The following CUL1 variants were observed in gnomAD, a reference collection of about 807,000 sequenced individuals.
The protein encoded by CUL1 is cullin-1.
In CUL1, 24 loss-of-function variants were observed where a neutral mutation model predicts 118.0. That is an observed-to-expected ratio of 0.20 (90% CI 0.15 to 0.29). The LOEUF (loss-of-function observed/expected upper bound fraction) is 0.29. Ranked by LOEUF, CUL1 falls within the 10% of genes least tolerant of loss-of-function variation. CUL1 has a pLI of 1.00. For synonymous variants in CUL1, 332 were observed against 340.4 expected (o/e 0.98, Z 0.27); for missense variants, 361 against 933.8 (o/e 0.39, Z 7.99).
chr7:148,705,138 G>A (rs923588503), intron 1 of CUL1, among the ~76,000 whole-genome samples: 7 of 152,180 alleles, frequency 4.6e-5, no homozygotes, highest in African/African-American at 1.7e-4. Flanking sequence ...CTCATTTAAT[G>A]CCCTCCATGA....
intron 1 of CUL1, among the ~76,000 whole-genome samples, chr7:148,704,754 T>C (rs1461085336): frequency 6.6e-6 from 1 of 152,218 alleles, no homozygotes; most frequent in Non-Finnish European, 1.5e-5. Context: ...AAAACCAGAA[T>C]GTTAGCATTG....
intron 9 of CUL1, among the ~76,000 whole-genome samples, chr7:148,773,231 TTAGC>T (rs1353684414): frequency 1.3e-5 from 2 of 152,142 alleles, no homozygotes; most frequent in Non-Finnish European, 2.9e-5. Context: ...AATCCTCTAA[TTAGC>T]CCACATTTTC....
At chr7:148,718,598 T>C (rs1427851557) in intron 1 of CUL1, among the ~76,000 whole-genome samples, 1 of 152,250 alleles carries the variant, frequency 6.6e-6, no homozygotes, top group Admixed American at 6.5e-5. Flanking sequence ...GGCATTATTG[T>C]GTGAGTGCCT....
chr7:148,708,023 G>C (rs1797941873), intron 1 of CUL1, among the ~76,000 whole-genome samples: 1 of 152,104 alleles, frequency 6.6e-6, no homozygotes, highest in African/African-American at 2.4e-5. Context: ...TTTTTCTTGG[G>C]TGACCTCCTG....
chr7:148,738,127 C>T (rs1488817188), intron 2 of CUL1, among the ~76,000 whole-genome samples: 1 of 152,090 alleles, frequency 6.6e-6, no homozygotes, highest in Non-Finnish European at 1.5e-5. Context: ...AATTGATTCC[C>T]CAGGTGTGTT....
intron 1 of CUL1, among the ~76,000 whole-genome samples, chr7:148,700,810 A>G (rs910807819): frequency 2.0e-5 from 3 of 152,332 alleles, no homozygotes; most frequent in Middle Eastern, 3.4e-3. Flanking sequence ...AAATTTAGAT[A>G]TGCTAGGGTT....
At chr7:148,714,089 T>C (rs1026313218) in intron 1 of CUL1, among the ~76,000 whole-genome samples, 25 of 152,266 alleles carry the variant, frequency 1.6e-4, no homozygotes, top group African/African-American at 6.0e-4. Flanking sequence ...TATATCCATT[T>C]AGTAAAACTT....
At chr7:148,754,402 G>GAAAAATCCA (rs1799591913) in intron 3 of CUL1, among the ~76,000 whole-genome samples, 2 of 151,706 alleles carry the variant, frequency 1.3e-5, no homozygotes, top group Non-Finnish European at 2.9e-5. Context: ...TGATCTCCTG[G>GAAAAATCCA]GCTCAAGTGA....
chr7:148,783,991 C>T lies in CUL1; in HGVS notation c.1212C>T (p.Asn404=). The T allele has an allele frequency of 6.2e-7, 1 of 1,614,142 alleles. No homozygotes were observed. The change falls in exon 11 of 22, where the codon AAC becomes AAT. Residue 404 remains asparagine (N), a synonymous_variant. Coordinates refer to ENST00000325222, the MANE Select transcript of CUL1 (RefSeq NM_003592.3). ...CGCAGGCTTGTGGTCGCTTCATAAA[C>T]AACAACGCGGTTACCAAGATGGCCC... ...ALDKACGRFI[N]NNAVTKMAQS... is the part of the protein sequence containing the mutation.
In CUL1 at chr7:148,786,611, A is replaced by G. The variant is rs1563169037; in HGVS notation, c.1347+12A>G. The G allele has an allele frequency of 4.3e-6, 7 of 1,611,256 alleles. No individual in the cohort carries two copies. The East Asian group carries it at 1.3e-4, about 31-fold the overall frequency. ...CACTCAATCAAGTGGTAAGTGCTTC[A>G]TGAGCATACCCATTTCCAGTAGCTG... is the stretch of plus-strand genomic sequence containing the variant. On this transcript the variant is annotated intron_variant, in intron 12 of 21. Coordinates refer to ENST00000325222, the MANE Select transcript of CUL1 (RefSeq NM_003592.3).
intron 1 of CUL1, among the ~76,000 whole-genome samples, chr7:148,699,857 C>G (rs1052342783): frequency 2.6e-5 from 4 of 152,064 alleles, no homozygotes; most frequent in Non-Finnish European, 5.9e-5. Flanking sequence ...CTGAGGGTAG[C>G]CGTGCGCCCG....
chr7:148,735,935 G>T (rs756419386), intron 2 of CUL1, among the ~76,000 whole-genome samples: 4 of 151,864 alleles, frequency 2.6e-5, no homozygotes, highest in Non-Finnish European at 4.4e-5. Flanking sequence ...GAATTTGGGA[G>T]GCCAGGGCAG....
At chr7:148,737,927 T>A (rs932525579) in intron 2 of CUL1, among the ~76,000 whole-genome samples, 11 of 152,132 alleles carry the variant, frequency 7.2e-5, no homozygotes, top group Admixed American at 2.0e-4. Flanking sequence ...AATAAAACTT[T>A]TAGTGCAGAG....
chr7:148,703,868 T>A (rs1411253192), intron 1 of CUL1, among the ~76,000 whole-genome samples: 3 of 152,140 alleles, frequency 2.0e-5, no homozygotes, highest in Non-Finnish European at 4.4e-5. Flanking sequence ...GCTGTCATTT[T>A]AGGGGGGTAA....
chr7:148,716,142 T>C (rs1798208309), intron 1 of CUL1, among the ~76,000 whole-genome samples: 1 of 152,204 alleles, frequency 6.6e-6, no homozygotes, highest in African/African-American at 2.4e-5. Flanking sequence ...GATGTTCTTC[T>C]AGATTTTACA....
intron 2 of CUL1, among the ~76,000 whole-genome samples, chr7:148,751,831 A>T (rs1469415550): frequency 6.6e-6 from 1 of 152,180 alleles, no homozygotes; most frequent in East Asian, 1.9e-4. Context: ...AATGTAGAAC[A>T]TGGCCAGACG....
chr7:148,700,192 C>CT (rs1221598045), intron 1 of CUL1, among the ~76,000 whole-genome samples: 2 of 152,204 alleles, frequency 1.3e-5, no homozygotes, highest in African/African-American at 4.8e-5. Context: ...TGTAATTGCT[C>CT]TTTCCTGTAG....
At chr7:148,729,812 A>G in intron 1 of CUL1, 150 bp from the exon 2 acceptor site, 1 of 236,816 alleles carries the variant, frequency 4.2e-6, no homozygotes, top group Non-Finnish European at 8.1e-6. Context: ...TTTTGTACAC[A>G]GACCATATGG....
chr7:148,791,444 T>A (rs1414176823), intron 16 of CUL1, among the ~76,000 whole-genome samples: 1 of 152,256 alleles, frequency 6.6e-6, no homozygotes. Flanking sequence ...TCAACTTGAA[T>A]GTTTCTTACT....
Sources: gnomAD v4.1 joint callset for allele counts (sites outside exome capture counted in the v4.1 genomes callset) on GRCh38, gnomAD v4.1.1 for gene constraint, MANE v1.5 for transcripts, NCBI Gene and HGNC (gene_info 2026-07-23, HGNC 2026-07-21) for gene names.